Variants in SUMF1 observed in about 807,000 individuals in gnomAD.
SUMF1 encodes sulfatase modifying factor 1, also known as formylglycine-generating enzyme.
In SUMF1, 48 loss-of-function variants were observed where a neutral mutation model predicts 47.6. The observed-to-expected ratio is 1.01, with a 90% CI of 0.80 to 1.28. The LOEUF (loss-of-function observed/expected upper bound fraction) is 1.28, where lower values mean the gene tolerates loss of function less well. Among genes scored for constraint, SUMF1 ranks in the 50% most tolerant of loss-of-function variants. The pLI, the probability that SUMF1 is intolerant of heterozygous loss-of-function variation, is 0.00. For synonymous variants in SUMF1, 230 were observed against 192.1 expected, an observed-to-expected ratio of 1.20 and a Z score of -1.63; for missense variants, 571 against 485.4, an observed-to-expected ratio of 1.18 and a Z score of -1.66.
intron 8 of SUMF1, among the ~76,000 whole-genome samples, chr3:4,166,159 T>A (rs983214745): frequency 6.6e-5 from 10 of 152,176 alleles, no homozygotes; most frequent in Non-Finnish European, 1.2e-4. Flanking sequence ...AAATCGGATT[T>A]AGTGACCCTT....
intron 8 of SUMF1, among the ~76,000 whole-genome samples, chr3:4,131,455 C>G (rs1180222601): frequency 6.6e-6 from 1 of 152,138 alleles, no homozygotes; most frequent in Non-Finnish European, 1.5e-5. Flanking sequence ...CAAAAGTGGA[C>G]AGCTGCACTA....
intron 8 of SUMF1, among the ~76,000 whole-genome samples, chr3:4,241,510 C>A (rs1052752185): frequency 6.6e-6 from 1 of 152,052 alleles, no homozygotes; most frequent in African/African-American, 2.4e-5. Context: ...TTCATAATAC[C>A]AGCTGTGTCT....
At chr3:4,237,640 C>G (rs926646230) in intron 8 of SUMF1, among the ~76,000 whole-genome samples, 3 of 152,054 alleles carry the variant, frequency 2.0e-5, no homozygotes, top group Non-Finnish European at 4.4e-5. Context: ...TGCAGTACAA[C>G]TTATCAATTG....
chr3:4,136,320 A>G (rs1237393787), intron 8 of SUMF1, among the ~76,000 whole-genome samples: 2 of 152,094 alleles, frequency 1.3e-5, no homozygotes, highest in African/African-American at 2.4e-5. Flanking sequence ...AATACCACAC[A>G]TCTACAACCA....
At chr3:4,128,786 G>A (rs1400604060) in intron 8 of SUMF1, among the ~76,000 whole-genome samples, 2 of 152,130 alleles carry the variant, frequency 1.3e-5, no homozygotes, top group South Asian at 2.1e-4. Flanking sequence ...TAAGGGTGTG[G>A]GATAATGGTG....
intron 8 of SUMF1, among the ~76,000 whole-genome samples, chr3:4,322,312 TC>T (rs1698854018): frequency 4.6e-5 from 7 of 152,120 alleles, no homozygotes; most frequent in African/African-American, 9.6e-5. Flanking sequence ...ATGTATAATA[TC>T]ATAGGTATGT....
chr3:4,182,867 A>G (rs1489689862), intron 8 of SUMF1, among the ~76,000 whole-genome samples: 1 of 152,088 alleles, frequency 6.6e-6, no homozygotes, highest in Non-Finnish European at 1.5e-5. Context: ...ATTATATTCT[A>G]TTTTACCTAT....
chr3:4,147,460 AT>A lies in SUMF1; in HGVS notation c.1015-78716del, dbSNP rs749920869. On this transcript the variant is annotated intron_variant and NMD_transcript_variant, in intron 8 of 12. Coordinates refer to the SUMF1 transcript ENST00000448413. ...ACATAAATCATCTACCTAATCTTTC[AT>A]TTTTTTATAGGTGAGAAATCTGAAT... is the stretch of plus-strand genomic sequence containing the variant. Among the ~76,000 whole-genome samples the A allele has an allele frequency of 6.6e-5, 10 of 152,240 alleles. 1 individual carries two copies. The East Asian group carries it at 1.2e-3, about 18-fold the overall frequency.
intron 8 of SUMF1, among the ~76,000 whole-genome samples, chr3:4,175,543 C>T (rs902119940): frequency 6.6e-6 from 1 of 152,140 alleles, no homozygotes; most frequent in African/African-American, 2.4e-5. Context: ...AGGTGACCAA[C>T]ATCAAAGACC....
At chr3:4,274,659 C>A (rs1040897142) in intron 8 of SUMF1, among the ~76,000 whole-genome samples, 2 of 152,180 alleles carry the variant, frequency 1.3e-5, no homozygotes, top group African/African-American at 4.8e-5. Context: ...CCTGAAAAAA[C>A]TGAATATCCC....
chr3:4,439,486 A>T (rs1445509939), intron 3 of SUMF1, among the ~76,000 whole-genome samples: 1 of 152,084 alleles, frequency 6.6e-6, no homozygotes. Context: ...AGATTACACC[A>T]CTGAACTCCA....
At chr3:4,198,715 A>G (rs1025358116) in intron 8 of SUMF1, among the ~76,000 whole-genome samples, 1 of 152,016 alleles carries the variant, frequency 6.6e-6, no homozygotes, top group African/African-American at 2.4e-5. Context: ...AGGGGAGCCT[A>G]CCTCAGAAGC....
intron 8 of SUMF1, among the ~76,000 whole-genome samples, chr3:4,355,160 G>C (rs1699590598): frequency 6.6e-6 from 1 of 152,006 alleles, no homozygotes; most frequent in Non-Finnish European, 1.5e-5. Context: ...GACCAGCCTA[G>C]GCAACATGGA....
intron 8 of SUMF1, among the ~76,000 whole-genome samples, chr3:4,351,033 A>C (rs1020357844): frequency 1.3e-5 from 2 of 152,204 alleles, no homozygotes; most frequent in African/African-American, 2.4e-5. Flanking sequence ...CTACCACTCC[A>C]CGGAAAACCA....
chr3:4,388,624 AT>A (rs996016192), intron 7 of SUMF1, among the ~76,000 whole-genome samples: 2 of 151,562 alleles, frequency 1.3e-5, no homozygotes, highest in East Asian at 1.9e-4. Flanking sequence ...TCTGTTCTCT[AT>A]TTTTTTGTCT....
rs1282092468 is a variant in SUMF1 at position 4,452,951 on chromosome 3, G to T, written c.369C>A (p.Ala123=). 2 of 1,614,048 alleles carry T rather than the reference G, an allele frequency of 1.2e-6. No homozygotes were observed. The highest frequency in any genetic ancestry group is 2.7e-5 in the African/African-American group (2 of 74,928). The change falls in exon 2 of 9, where the codon GCC becomes GCA. Residue 123 remains alanine, a synonymous_variant. Transcript: ENST00000272902. ...TGACTTCATAGGCATCCATGTAAAAGGCATCAATAGTAACTCTCCTCGCAG... is the reference window on the plus strand; with the variant it reads ...TGACTTCATAGGCATCCATGTAAAATGCATCAATAGTAACTCTCCTCGCAG... ...EAPARRVTID[A]FYMDAYEVSN...
chr3:4,142,425 A>G (rs191519960), intron 8 of SUMF1, among the ~76,000 whole-genome samples: 21 of 152,256 alleles, frequency 1.4e-4, no homozygotes, highest in Admixed American at 7.8e-4. Flanking sequence ...GAGTAGGAAT[A>G]GTGTCTTTTA....
chr3:4,172,263 G>T (rs1311324894), intron 8 of SUMF1, among the ~76,000 whole-genome samples: 1 of 152,140 alleles, frequency 6.6e-6, no homozygotes, highest in Non-Finnish European at 1.5e-5. Context: ...CCGTTTTGGG[G>T]AAACTGAGTG....
At chr3:4,316,052 A>AGG (rs1215484139) in intron 8 of SUMF1, among the ~76,000 whole-genome samples, 152 of 151,600 alleles carry the variant, frequency 1.0e-3, no homozygotes, top group South Asian at 1.9e-3. Flanking sequence ...GTCTCAAAAA[A>AGG]AAAAAAAAAA....
Sources: gnomAD v4.1 joint callset for allele counts (sites outside exome capture counted in the v4.1 genomes callset) on GRCh38, gnomAD v4.1.1 for gene constraint, MANE v1.5 for transcripts, NCBI Gene and HGNC (gene_info 2026-07-23, HGNC 2026-07-21) for gene names.